NAA16: variants seen among roughly 807,000 people sequenced by gnomAD.
NAA16 encodes the protein NARG1-like protein.
A neutral mutation model predicts 110.3 loss-of-function variants in NAA16; 97 were observed. The ratio of observed to expected loss-of-function variants is 0.88; its 90% CI spans 0.75 to 1.04. The LOEUF is 1.04. Ranked by LOEUF, NAA16 falls within the 50% of genes least tolerant of loss-of-function variation. NAA16 has a pLI of 0.00. For synonymous variants in NAA16, 372 were observed against 330.6 expected (o/e 1.13, Z -1.36); for missense variants, 1,017 against 1,005.1 (o/e 1.01, Z -0.16).
chr13:41,369,745 T>C (rs1057212558), intron 15 of NAA16, among the ~76,000 whole-genome samples: 4 of 151,976 alleles, frequency 2.6e-5, no homozygotes, highest in Admixed American at 6.6e-5. Context: ...GCTTTGAAGA[T>C]GGAAGGAGGG....
intron 13 of NAA16, chr13:41,362,767 C>T (rs1487163370): frequency 3.1e-6 from 4 of 1,289,784 alleles, no homozygotes; most frequent in Non-Finnish European, 4.0e-6. Context: ...AGGAAAAGAG[C>T]CGCAAATGCA....
In NAA16 at chr13:41,372,832, T is replaced by TAAGTATAAAA. The variant is rs768138144; in HGVS notation, c.2155+6_2155+15dup. On this transcript the variant is annotated splice_region_variant and intron_variant, in intron 17 of 19. Transcript: ENST00000379406. ...GTTTAATTAGATTTTCTAAATCTGG[T>TAAGTATAAAA]AAGTATAAAAAAGGACCATATTTAC... is the stretch of plus-strand genomic sequence containing the variant. 13 of 1,570,076 alleles carry TAAGTATAAAA rather than the reference T, an allele frequency of 8.3e-6. No individual in the cohort carries two copies. The highest frequency in any genetic ancestry group is 1.1e-5 in the Non-Finnish European group (13 of 1,154,478).
intron 15 of NAA16, among the ~76,000 whole-genome samples, chr13:41,371,233 A>C (rs1452340391): frequency 2.0e-5 from 3 of 152,224 alleles, no homozygotes; most frequent in Non-Finnish European, 4.4e-5. Flanking sequence ...GCCAGAAAAC[A>C]GATGGACATT....
intron 5 of NAA16, among the ~76,000 whole-genome samples, chr13:41,324,548 G>T (rs1322118744): frequency 6.6e-6 from 1 of 151,244 alleles, no homozygotes; most frequent in Non-Finnish European, 1.5e-5. Flanking sequence ...GCTAAGTTTT[G>T]TATTTTTAGT....
At chr13:41,338,278 G>T (rs1476375783) in intron 9 of NAA16, among the ~76,000 whole-genome samples, 1 of 152,152 alleles carries the variant, frequency 6.6e-6, no homozygotes, top group African/African-American at 2.4e-5. Context: ...TAAAGGATTT[G>T]TTTCTCTTAA....
At chr13:41,328,677 T>C (rs2042155680) in intron 6 of NAA16, 47 bp from the exon 7 acceptor site, 5 of 1,495,732 alleles carry the variant, frequency 3.3e-6, no homozygotes, top group Non-Finnish European at 4.6e-6. Flanking sequence ...TGGGGTCAGA[T>C]AGATATTTAA....
intron 12 of NAA16, among the ~76,000 whole-genome samples, chr13:41,359,731 T>A (rs189801925): frequency 1.3e-5 from 2 of 151,472 alleles, no homozygotes; most frequent in East Asian, 1.9e-4. Flanking sequence ...TTCACACTTA[T>A]ACAAGAAAAT....
rs777734669 is a variant in NAA16 at position 41,336,673 on chromosome 13, G to GT, written c.931_932insT (p.Asp311ValfsTer2). 6.2e-7 allele frequency: 1 copy of GT among 1,602,306 alleles called. No homozygotes were observed. On this transcript the variant is annotated frameshift_variant, in exon 9 of 20. Transcript: ENST00000379406. LOFTEE classifies it high-confidence loss of function. ...AGGTGAAAGATTTAGAGAACTAATGGATAAGTTCCTGAGGGTTAACTTCAG... is the reference window on the plus strand; with the variant it reads ...AGGTGAAAGATTTAGAGAACTAATGGTATAAGTTCCTGAGGGTTAACTTCAG...
In NAA16 at chr13:41,372,196, A is replaced by T. The variant is rs1233153929; in HGVS notation, c.1948-7A>T. 1 of 1,523,010 alleles carries T rather than the reference A, an allele frequency of 6.6e-7. No homozygotes were observed. The highest frequency in any genetic ancestry group is 8.8e-7 in the Non-Finnish European group (1 of 1,134,596). 94.3% of individuals were successfully genotyped at this position (1,523,010 alleles called of 1,614,324 possible). A position where few individuals can be genotyped will look rare whatever the true frequency, so the allele number is the denominator to read the frequency against. ...TTTAAATAATTTTCCTTTCTGTTTC[A>T]AAATAGGTAGAAAATCCATTAGAGG... On this transcript the variant is annotated splice_polypyrimidine_tract_variant and splice_region_variant and intron_variant, in intron 15 of 19. Coordinates refer to ENST00000379406, the MANE Select transcript of NAA16 (RefSeq NM_024561.5).
At chr13:41,337,367 C>T (rs1219175545) in intron 9 of NAA16, among the ~76,000 whole-genome samples, 1 of 151,860 alleles carries the variant, frequency 6.6e-6, no homozygotes, top group Admixed American at 6.6e-5. Context: ...CACGGTGAAA[C>T]CCCATCTCTA....
At chr13:41,333,555 T>C (rs1044360379) in intron 8 of NAA16, among the ~76,000 whole-genome samples, 1 of 152,114 alleles carries the variant, frequency 6.6e-6, no homozygotes, top group African/African-American at 2.4e-5. Flanking sequence ...TTCTCCTCCT[T>C]TTATTGGTCT....
rs1386216918 is a variant in NAA16 at position 41,336,692 on chromosome 13, A to T, written c.950A>T (p.Asn317Ile). The T allele has an allele frequency of 1.9e-6, 3 of 1,609,876 alleles. No homozygotes were observed. The highest frequency in any genetic ancestry group is 1.7e-4 in the Middle Eastern group (1 of 6,046). Residue 317 changes from asparagine (N) to isoleucine (I), a missense_variant, in exon 9 of 20, where the codon AAC becomes ATC. Asn to Ile is a moderately radical substitution (Grantham distance 149). Transcript: ENST00000379406. ...CTAATGGATAAGTTCCTGAGGGTTA[A>T]CTTCAGTAAAGGCTGCCCACCCTTG... ...RELMDKFLRVNFSKGCPPLFT... is the reference protein window; with the variant it reads ...RELMDKFLRVIFSKGCPPLFT...
intron 9 of NAA16, among the ~76,000 whole-genome samples, chr13:41,348,304 A>G (rs1195092299): frequency 6.6e-6 from 1 of 152,086 alleles, no homozygotes; most frequent in African/African-American, 2.4e-5. Flanking sequence ...AGTAGCTGGG[A>G]CTACCGGCGT....
intron 13 of NAA16, among the ~76,000 whole-genome samples, chr13:41,363,558 TGAG>T (rs2043154287): frequency 6.6e-6 from 1 of 152,222 alleles, no homozygotes; most frequent in African/African-American, 2.4e-5. Context: ...CTTCCATTAC[TGAG>T]TTTCATTTAG....
chr13:41,338,583 T>A (rs2042445315), intron 9 of NAA16, among the ~76,000 whole-genome samples: 1 of 152,162 alleles, frequency 6.6e-6, no homozygotes, highest in Non-Finnish European at 1.5e-5. Flanking sequence ...AAAATTGAGC[T>A]CCAGTTATCT....
chr13:41,324,885 T>G (rs2139393434), intron 5 of NAA16, among the ~76,000 whole-genome samples: 1 of 152,040 alleles, frequency 6.6e-6, no homozygotes, highest in African/African-American at 2.4e-5. Context: ...TTGTGTTTTT[T>G]TTTTTTAAGA....
At chr13:41,334,966 C>T (rs2042340018) in intron 8 of NAA16, among the ~76,000 whole-genome samples, 1 of 152,152 alleles carries the variant, frequency 6.6e-6, no homozygotes, top group Non-Finnish European at 1.5e-5. Flanking sequence ...TTGCTGCGCA[C>T]CTGGGTTTTC....
At position 41,320,782 on chromosome 13, in the gene NAA16, C is replaced by T; in HGVS notation, c.360C>T (p.Leu120=). 6.2e-7 allele frequency: 1 copy of T among 1,612,900 alleles called. No homozygotes were observed. The highest frequency in any genetic ancestry group is 8.5e-7 in the Non-Finnish European group (1 of 1,179,746). The part of the protein sequence containing the change: ...DKDNLQILRD[L]SLLQIQMRDL... ...ATAACCTGCAAATTTTGAGGGATCT[C>T]TCACTGTTGCAGATCCAAATGAGAG... Residue 120 remains leucine, a synonymous_variant, in exon 4 of 20, where the codon CTC becomes CTT. Coordinates refer to ENST00000379406, the MANE Select transcript of NAA16 (RefSeq NM_024561.5).
chr13:41,324,032 C>T (rs564450370), intron 5 of NAA16, among the ~76,000 whole-genome samples: 6 of 152,004 alleles, frequency 3.9e-5, no homozygotes, highest in Non-Finnish European at 8.8e-5. Context: ...TTCACTTACT[C>T]CTCCTTTGCA....
Sources: allele counts gnomAD v4.1 joint callset (sites outside exome capture counted in the v4.1 genomes callset), GRCh38; gene constraint gnomAD v4.1.1; transcripts MANE v1.5; gene names NCBI Gene and HGNC (gene_info 2026-07-23, HGNC 2026-07-21).